DYRK4: variants seen among roughly 807,000 people sequenced by gnomAD.
DYRK4 encodes dual specificity tyrosine phosphorylation regulated kinase 4, also known as dual specificity tyrosine-phosphorylation-regulated kinase 4.
In DYRK4, 64 loss-of-function variants were observed where a neutral mutation model predicts 68.3. The ratio of observed to expected loss-of-function variants is 0.94; its 90% CI spans 0.77 to 1.15. DYRK4 has a LOEUF of 1.15. Ranked by LOEUF, DYRK4 falls within the 50% of genes most tolerant of loss-of-function variation. The probability of loss-of-function intolerance (pLI) is 0.00; values close to 1 mark genes in which losing one functional copy is unlikely to be tolerated. For synonymous variants in DYRK4, 274 were observed against 289.9 expected, an observed-to-expected ratio of 0.95 and a Z score of 0.56; for missense variants, 740 against 764.7, an observed-to-expected ratio of 0.97 and a Z score of 0.38.
At chr12:4,566,264 G>T (rs1944675685) in intron 1 of DYRK4, among the ~76,000 whole-genome samples, 1 of 152,172 alleles carries the variant, frequency 6.6e-6, no homozygotes, top group African/African-American at 2.4e-5. Context: ...CCCAGGTTTA[G>T]CATAGCCACG....
At chr12:4,584,830 C>T (rs1398829001) in intron 2 of DYRK4, among the ~76,000 whole-genome samples, 1 of 152,186 alleles carries the variant, frequency 6.6e-6, no homozygotes, top group Non-Finnish European at 1.5e-5. Flanking sequence ...GCTGGGATTA[C>T]AGGCGTGAGC....
At position 4,593,082 on chromosome 12, in the gene DYRK4, G is replaced by A; in HGVS notation, c.544G>A (p.Gly182Ser). The change falls in exon 6 of 15, where the codon GGT becomes AGT. Residue 182 changes from glycine to serine, a missense_variant. Gly to Ser is a moderately conservative substitution (Grantham distance 56). Around this residue, in one of 3 missense-constraint regions of DYRK4, gnomAD observed 614 missense variants for 603.7 expected, o/e 1.02. Coordinates refer to ENST00000543431, the MANE Select transcript of DYRK4 (RefSeq NM_001394779.1). ...ILGYAELWFL[G>S]LEAKKLDTAP... is the part of the protein sequence containing the mutation. ...GGGCTACGCGGAGCTGTGGTTCCTG[G>A]GTCTTGAAGCCAAGAAGCTCGACAC... The A allele has an allele frequency of 6.2e-7, 1 of 1,614,178 alleles. No individual in the cohort carries two copies. Among genetic ancestry groups the A allele is most frequent in the Non-Finnish European group, 8.5e-7 (1 of 1,180,038 alleles).
chr12:4,590,690 G>A, intron 4 of DYRK4: 1 of 668,036 alleles, frequency 1.5e-6, no homozygotes, highest in South Asian at 4.5e-5. Flanking sequence ...TGAAGTGCTG[G>A]TACATAAAAG....
intron 2 of DYRK4, among the ~76,000 whole-genome samples, chr12:4,586,729 CACAG>C (rs1555122023): frequency 2.0e-3 from 221 of 112,476 alleles, no homozygotes; most frequent in African/African-American, 6.0e-3. Context: ...CACACACACA[CACAG>C]ACACACACAC....
intron 2 of DYRK4, among the ~76,000 whole-genome samples, chr12:4,571,796 T>G (rs971952748): frequency 2.6e-5 from 4 of 152,244 alleles, no homozygotes; most frequent in Non-Finnish European, 5.9e-5. Flanking sequence ...CCAGAAAATT[T>G]AAAATTATAC....
Position 4,591,013 on chromosome 12 carries a change from A to G in DYRK4, c.325-147A>G, listed in dbSNP as rs912772964. ...TTCCTTTGGGAGAGAGGTAGGGAGA[A>G]CCTTCTGTCTCTTAATCGCTGTTTT... On this transcript the variant is annotated intron_variant, in intron 4 of 14. Coordinates refer to ENST00000543431, the MANE Select transcript of DYRK4 (RefSeq NM_001394779.1). This position sits in a 1 kb window ranked among gnomAD's most constrained non-coding sequence, Gnocchi z 4.1. 9.9e-6 allele frequency: 9 copies of G among 912,870 alleles called. No individual in the cohort carries two copies. In the African/African-American group the frequency reaches 1.0e-4, roughly 10 times the overall value. The allele number at this position is 912,870 out of a possible 1,614,324, so 56.5% of individuals were successfully genotyped here.
intron 3 of DYRK4, 128 bp downstream of exon 3, chr12:4,589,145 T>C: frequency 2.7e-6 from 2 of 734,888 alleles, no homozygotes; most frequent in South Asian, 3.7e-5. Flanking sequence ...GACAGCACTC[T>C]ATCCACGTCA....
At chr12:4,598,911 C>T (rs1945048468) in intron 8 of DYRK4, 117 bp from the exon 9 acceptor site, 1 of 1,200,794 alleles carries the variant, frequency 8.3e-7, no homozygotes, top group Admixed American at 1.9e-5. Flanking sequence ...TGCCTCCTGG[C>T]CTGAGGCTTG....
At chr12:4,570,091 A>G (rs2137321942) in intron 2 of DYRK4, among the ~76,000 whole-genome samples, 1 of 150,292 alleles carries the variant, frequency 6.7e-6, no homozygotes, top group Non-Finnish European at 1.5e-5. Flanking sequence ...ATAATAACAA[A>G]TTAGCTGGGT....
At chr12:4,568,692 T>C (rs1199044206) in intron 2 of DYRK4, among the ~76,000 whole-genome samples, 2 of 152,220 alleles carry the variant, frequency 1.3e-5, no homozygotes, top group Non-Finnish European at 2.9e-5. Context: ...GGCCAAGACC[T>C]ACTTTTTTTC....
At position 4,588,931 on chromosome 12, in the gene DYRK4, A is replaced by G; in HGVS notation, c.133-6A>G. ...CATTGTTCCTATTTTCTTCCACTTG[A>G]TCCAGGTTGGAAGTAAACTTTCGGT... is the stretch of plus-strand genomic sequence containing the variant. On this transcript the variant is annotated splice_polypyrimidine_tract_variant and splice_region_variant and intron_variant, in intron 2 of 14. Transcript: ENST00000543431. 6.5e-7 allele frequency: 1 copy of G among 1,535,962 alleles called. No individual in the cohort carries two copies.
Position 4,591,193 on chromosome 12 carries a change from G to T in DYRK4, c.358G>T (p.Glu120Ter). 1 of 1,614,160 alleles carries T rather than the reference G, an allele frequency of 6.2e-7. No individual in the cohort carries two copies. The highest frequency in any genetic ancestry group is 1.3e-5 in the African/African-American group (1 of 75,032). Residue 120 changes from glutamate (E) to a stop codon, truncating the protein, a stop_gained, in exon 5 of 15, where the codon GAG becomes TAG. Transcript: ENST00000543431. LOFTEE classifies it high-confidence loss of function. This position sits in a 1 kb window ranked among gnomAD's most constrained non-coding sequence, Gnocchi z 4.1. ...AGCTCACAATCAGATGCCGGCCTCA[G>T]AGCTCAAGGCTTCAGAAATACCTTT... ...NQAHNQMPAS[E>*]LKASEIPFHP...
rs761914086 is a variant in DYRK4, at chr12:4,589,018, G to A, written c.213+1G>A. On this transcript the variant is annotated splice_donor_variant, in intron 3 of 14. Transcript: ENST00000543431. LOFTEE classifies it high-confidence loss of function. ...CAGAATGACCCAAGTCTTTCATAAG[G>A]TAGGGAGTGATGGTCAGCTCCTTTT... 5 of 1,535,936 alleles carry A rather than the reference G, an allele frequency of 3.3e-6. No individual in the cohort carries two copies. The highest frequency in any genetic ancestry group is 2.4e-5 in the East Asian group (1 of 40,924).
At chr12:4,574,195 G>A (rs1357818820) in intron 2 of DYRK4, among the ~76,000 whole-genome samples, 5 of 148,120 alleles carry the variant, frequency 3.4e-5, no homozygotes, top group Non-Finnish European at 4.4e-5. Flanking sequence ...ACTGCACCCT[G>A]GCCTGGGCGA....
At chr12:4,588,264 A>G (rs1285369090) in intron 2 of DYRK4, among the ~76,000 whole-genome samples, 2 of 152,152 alleles carry the variant, frequency 1.3e-5, no homozygotes, top group Non-Finnish European at 2.9e-5. Flanking sequence ...CTCATCCTAC[A>G]TAATAACAAC....
Position 4,599,770 on chromosome 12 carries a change from T to C in DYRK4, c.1108T>C (p.Cys370Arg), listed in dbSNP as rs781591353. The C allele has an allele frequency of 1.2e-6, 2 of 1,614,110 alleles. No homozygotes were observed. The highest frequency in any genetic ancestry group is 8.5e-7 in the Non-Finnish European group (1 of 1,179,972). ...SVKVIDFGSS[C>R]YEHQKVYTYI... ...TAAAGTCATTGACTTTGGATCAAGC[T>C]GTTATGAACACCAGAAAGGTGAGCC... Residue 370 changes from cysteine to arginine, a missense_variant, in exon 10 of 15, where the codon TGT becomes CGT. Cys to Arg is a radical substitution (Grantham distance 180, BLOSUM62 -3). Around this residue, in one of 3 missense-constraint regions of DYRK4, gnomAD observed 614 missense variants for 603.7 expected, o/e 1.02. Transcript: ENST00000543431.
At chr12:4,609,426 G>T (rs879266840) in intron 12 of DYRK4, among the ~76,000 whole-genome samples, 7 of 152,190 alleles carry the variant, frequency 4.6e-5, no homozygotes, top group Non-Finnish European at 8.8e-5. Context: ...TGGGAAACAC[G>T]GTTGTCCACT....
chr12:4,595,711 C>T (rs1352372886), intron 6 of DYRK4, among the ~76,000 whole-genome samples: 1 of 152,144 alleles, frequency 6.6e-6, no homozygotes, highest in Non-Finnish European at 1.5e-5. Flanking sequence ...AATAAAACTT[C>T]CCCCAAACCA....
chr12:4,581,903 C>T (rs1944845841), intron 2 of DYRK4, among the ~76,000 whole-genome samples: 1 of 152,212 alleles, frequency 6.6e-6, no homozygotes, highest in Admixed American at 6.5e-5. Context: ...TTTGCATATA[C>T]ATAATGAGAT....
Sources: allele counts gnomAD v4.1 joint callset (sites outside exome capture counted in the v4.1 genomes callset), GRCh38; gene constraint gnomAD v4.1.1; regional missense constraint gnomAD v4.1.1; non-coding constraint Gnocchi (gnomAD v3.1); transcripts MANE v1.5; gene names NCBI Gene and HGNC (gene_info 2026-07-23, HGNC 2026-07-21).